SLC16A7: variants seen among roughly 807,000 people sequenced by gnomAD.
The protein encoded by SLC16A7 is solute carrier family 16 member 7.
SLC16A7 carries 33 observed loss-of-function variants against 34.9 expected under a neutral mutation model. The ratio of observed to expected loss-of-function variants is 0.94; its 90% CI spans 0.72 to 1.26. The LOEUF (loss-of-function observed/expected upper bound fraction) is 1.26. SLC16A7 is among the 50% of genes most tolerant of loss of function. The pLI, the probability that SLC16A7 is intolerant of heterozygous loss-of-function variation, is 0.00. For missense variants in SLC16A7, 573 were observed against 578.1 expected, an observed-to-expected ratio of 0.99 and a Z score of 0.09; for synonymous variants, 201 against 206.6, an observed-to-expected ratio of 0.97 and a Z score of 0.23.
rs181444050 is a variant in SLC16A7, at chr12:59,732,087, T to G, written c.217+27069T>G. ...TATTATATATATATTTCCATATATA[T>G]AGAGAAAAGCATTATTTGCATATAG... On this transcript the variant is annotated intron_variant, in intron 3 of 5. Coordinates refer to ENST00000547379, the MANE Select transcript of SLC16A7 (RefSeq NM_001270623.2). Among the ~76,000 whole-genome samples the G allele has an allele frequency of 2.7e-3, 417 of 152,006 alleles. 2 individuals are homozygous for G. The highest frequency in any genetic ancestry group is 0.01 in the South Asian group (50 of 4,818).
Position 59,626,086 on chromosome 12 carries a change from A to C in SLC16A7, c.-129-29066A>C, listed in dbSNP as rs140890467. On this transcript the variant is annotated intron_variant, in intron 1 of 5. Transcript: ENST00000547379. ...ATTATGTGGGCAGAGCATAAAGGCAAAAAAGAATATATCAGTAGGTACAAT... is the reference window on the plus strand; with the variant it reads ...ATTATGTGGGCAGAGCATAAAGGCACAAAAGAATATATCAGTAGGTACAAT... 7.2e-5 allele frequency among the ~76,000 whole-genome samples: 11 copies of C among 151,980 alleles called. No homozygotes were observed. The East Asian group carries it at 2.1e-3, about 29-fold the overall frequency.
chr12:59,758,932 C>T (rs1411149605), intron 3 of SLC16A7, among the ~76,000 whole-genome samples: 2 of 151,876 alleles, frequency 1.3e-5, no homozygotes, highest in African/African-American at 4.8e-5. Flanking sequence ...TTTTTAAGGG[C>T]TGTCAGCTGT....
intron 3 of SLC16A7, among the ~76,000 whole-genome samples, chr12:59,741,891 G>A (rs1878392853): frequency 1.3e-5 from 2 of 152,164 alleles, no homozygotes; most frequent in Non-Finnish European, 2.9e-5. Flanking sequence ...TGCCTCCCTA[G>A]AAGAAATAAT....
At chr12:59,674,973 G>A (rs1206485075) in intron 2 of SLC16A7, among the ~76,000 whole-genome samples, 1 of 152,120 alleles carries the variant, frequency 6.6e-6, no homozygotes, top group African/African-American at 2.4e-5. Context: ...TCATAAAGTG[G>A]TAGGTCTGAT....
At chr12:59,745,037 C>T (rs984838703) in intron 3 of SLC16A7, among the ~76,000 whole-genome samples, 1 of 152,134 alleles carries the variant, frequency 6.6e-6, no homozygotes, top group Non-Finnish European at 1.5e-5. Flanking sequence ...GTAGGGTAGA[C>T]CCTAAGGTTA....
rs114433330 is a variant in SLC16A7, at chr12:59,731,156, A to G, written c.217+26138A>G. Among the ~76,000 whole-genome samples, 798 of 152,274 alleles carry G rather than the reference A, an allele frequency of 5.2e-3. 8 individuals are homozygous for G. The highest frequency in any genetic ancestry group is 0.015 in the African/African-American group (619 of 41,542). On this transcript the variant is annotated intron_variant, in intron 3 of 5. Coordinates refer to ENST00000547379, the MANE Select transcript of SLC16A7 (RefSeq NM_001270623.2). ...GTAAAATATTCAAGCTTAAATATGTATATACTTTTTAACTTTATTCAAATG... is the reference window on the plus strand; with the variant it reads ...GTAAAATATTCAAGCTTAAATATGTGTATACTTTTTAACTTTATTCAAATG...
At chr12:59,657,794 A>G (rs1310793575) in intron 2 of SLC16A7, among the ~76,000 whole-genome samples, 1 of 152,002 alleles carries the variant, frequency 6.6e-6, no homozygotes, top group African/African-American at 2.4e-5. Context: ...TGTTCACAGC[A>G]TAGAGGGGAA....
At chr12:59,672,556 G>T (rs1240879912) in intron 2 of SLC16A7, among the ~76,000 whole-genome samples, 2 of 151,644 alleles carry the variant, frequency 1.3e-5, no homozygotes, top group Non-Finnish European at 2.9e-5. Context: ...TTTTCCTTCT[G>T]TTTCTGGGCA....
intron 1 of SLC16A7, among the ~76,000 whole-genome samples, chr12:59,602,919 G>C (rs1292951208): frequency 6.6e-6 from 1 of 152,078 alleles, no homozygotes; most frequent in Non-Finnish European, 1.5e-5. Flanking sequence ...GGCATTTCCA[G>C]ACATTTCTAG....
intron 3 of SLC16A7, chr12:59,733,959 G>T: frequency 2.6e-6 from 1 of 388,738 alleles, no homozygotes; most frequent in Non-Finnish European, 5.2e-6. Context: ...TTTTTAAGGG[G>T]TCAGAAGGGA....
At chr12:59,605,369 G>A (rs1163076203) in intron 1 of SLC16A7, among the ~76,000 whole-genome samples, 1 of 152,190 alleles carries the variant, frequency 6.6e-6, no homozygotes, top group Non-Finnish European at 1.5e-5. Flanking sequence ...AACTCAGTTT[G>A]CAAGGTGGTA....
rs140956878 is a variant in SLC16A7, at chr12:59,738,217, G to T, written c.218-33002G>T. Among the ~76,000 whole-genome samples the T allele has an allele frequency of 1.4e-3, 209 of 152,186 alleles. 2 individuals are homozygous for T. Among genetic ancestry groups the T allele is most frequent in the Non-Finnish European group, 1.3e-4 (9 of 68,008 alleles). On this transcript the variant is annotated intron_variant, in intron 3 of 5. Transcript: ENST00000547379. ...AGTTTTGATTTGGAGAATTGCTTTA[G>T]CAGTCTATGTCACACCATCACAAGA... is the stretch of plus-strand genomic sequence containing the variant.
chr12:59,653,374 A>C (rs947711757), intron 1 of SLC16A7, among the ~76,000 whole-genome samples: 2 of 151,736 alleles, frequency 1.3e-5, no homozygotes, highest in African/African-American at 4.8e-5. Context: ...GGTATGAGGT[A>C]AGAAATATAA....
intron 1 of SLC16A7, among the ~76,000 whole-genome samples, chr12:59,601,482 T>C (rs1264925352): frequency 2.6e-5 from 4 of 152,202 alleles, no homozygotes; most frequent in Non-Finnish European, 5.9e-5. Context: ...GAAAGGCAAA[T>C]TCAGTGATAA....
intron 1 of SLC16A7, among the ~76,000 whole-genome samples, chr12:59,640,973 A>T (rs1880658879): frequency 6.6e-6 from 1 of 152,108 alleles, no homozygotes; most frequent in African/African-American, 2.4e-5. Flanking sequence ...TGAACAAAAC[A>T]CTGAAGGCAA....
intron 3 of SLC16A7, among the ~76,000 whole-genome samples, chr12:59,751,478 C>T (rs114307184): frequency 0.017 from 2,651 of 152,330 alleles, 60 homozygotes; most frequent in African/African-American, 0.059. Flanking sequence ...TAGGGTCTTA[C>T]GACCATGGAG....
intron 2 of SLC16A7, among the ~76,000 whole-genome samples, chr12:59,695,450 C>T (rs987354136): frequency 6.6e-6 from 1 of 151,822 alleles, no homozygotes; most frequent in South Asian, 2.1e-4. Context: ...CCCAGGAGAC[C>T]CATTTAGTGT....
At chr12:59,710,065 A>ACTC (rs1874048153) in intron 3 of SLC16A7, among the ~76,000 whole-genome samples, 1 of 151,688 alleles carries the variant, frequency 6.6e-6, no homozygotes, top group Non-Finnish European at 1.5e-5. Flanking sequence ...ATGGGATGAG[A>ACTC]ACACACTATG....
intron 5 of SLC16A7, among the ~76,000 whole-genome samples, chr12:59,777,698 A>C (rs1174398182): frequency 6.6e-6 from 1 of 151,606 alleles, no homozygotes; most frequent in African/African-American, 2.4e-5. Context: ...ATATGTGCAC[A>C]ATGTGCAGGT....
Sources: allele counts gnomAD v4.1 joint callset (sites outside exome capture counted in the v4.1 genomes callset), GRCh38; gene constraint gnomAD v4.1.1; transcripts MANE v1.5; gene names NCBI Gene and HGNC (gene_info 2026-07-23, HGNC 2026-07-21).